ACVR2B: variants seen among roughly 807,000 people sequenced by gnomAD.
ACVR2B encodes the protein activin A receptor type 2B.
A neutral mutation model predicts 65.1 loss-of-function variants in ACVR2B; 18 were observed. The observed-to-expected ratio is 0.28, with a 90% CI of 0.19 to 0.41. ACVR2B has a LOEUF of 0.41. ACVR2B is among the 10% of genes least tolerant of loss of function. The pLI is 1.00. For missense variants in ACVR2B, 482 were observed against 682.7 expected (o/e 0.71, Z 3.28); for synonymous variants, 298 against 277.7 (o/e 1.07, Z -0.73).
Position 38,484,409 on chromosome 3 carries a change from C to T in ACVR2B, c.*1077C>T, listed in dbSNP as rs558023701. The T allele has an allele frequency of 6.6e-6, 1 of 152,388 alleles. No individual in the cohort carries two copies. The highest frequency in any genetic ancestry group is 6.5e-5 in the Admixed American group (1 of 15,302). The allele number at this position is 152,388 out of a possible 1,614,324, so 9.4% of individuals were successfully genotyped here. On this transcript the variant is annotated 3_prime_UTR_variant, in exon 11 of 11. Transcript: ENST00000352511. ...CTGCACAGATAGGGCAAGAGGATTT[C>T]CTGGGTGGAGTCTGCCAAGGCCTGC...
At chr3:38,461,391 C>T (rs983538539) in intron 1 of ACVR2B, among the ~76,000 whole-genome samples, 1 of 152,194 alleles carries the variant, frequency 6.6e-6, no homozygotes, top group Non-Finnish European at 1.5e-5. Flanking sequence ...GGTCCCGCTT[C>T]TCTGTGTAGT....
At chr3:38,467,517 C>T (rs1709751606) in intron 1 of ACVR2B, among the ~76,000 whole-genome samples, 2 of 150,934 alleles carry the variant, frequency 1.3e-5, no homozygotes, top group Non-Finnish European at 2.9e-5. Flanking sequence ...TTTGGTGGTT[C>T]AAGTGGGGAG....
Position 38,469,527 on chromosome 3 carries a change from G to C in ACVR2B, c.53-7760G>C, listed in dbSNP as rs575442737. 6.6e-5 allele frequency among the ~76,000 whole-genome samples: 10 copies of C among 152,238 alleles called. No individual in the cohort carries two copies. The South Asian group carries it at 2.1e-3, about 32-fold the overall frequency. Reference sequence around the variant, plus strand: ...CTGAGACTGGGTAGGGTTGGGGTTGGGGTAGTTTCCCCGAGAATTTATAAC... The same window carrying C: ...CTGAGACTGGGTAGGGTTGGGGTTGCGGTAGTTTCCCCGAGAATTTATAAC... On this transcript the variant is annotated intron_variant, in intron 1 of 10. Transcript: ENST00000352511.
chr3:38,469,321 C>T (rs553024309), intron 1 of ACVR2B, among the ~76,000 whole-genome samples: 1 of 152,214 alleles, frequency 6.6e-6, no homozygotes, highest in South Asian at 2.1e-4. Context: ...GGGGACTTTG[C>T]CTGTCTTTAT....
Position 38,477,329 on chromosome 3 carries a change from A to G in ACVR2B, c.95A>G (p.Tyr32Cys). The G allele has an allele frequency of 6.2e-7, 1 of 1,614,154 alleles. No homozygotes were observed. The highest frequency in any genetic ancestry group is 8.5e-7 in the Non-Finnish European group (1 of 1,180,008). ...GCTGAGACACGGGAGTGCATCTACT[A>G]CAACGCCAACTGGGAGCTGGAGCGC... ...GEAETRECIY[Y>C]NANWELERTN... The change falls in exon 2 of 11, where the codon TAC becomes TGC. Residue 32 changes from tyrosine to cysteine, a missense_variant. Tyr to Cys is a radical substitution (Grantham distance 194). Coordinates refer to ENST00000352511, the MANE Select transcript of ACVR2B (RefSeq NM_001106.4). The surrounding 1 kb of genome is among the most constrained non-coding windows in gnomAD (Gnocchi z 6.7).
Position 38,483,273 on chromosome 3 carries a change from G to GT in ACVR2B, c.1483dup (p.Ser495PhefsTer14). ...CAACGGCACTACCTCGGACTGTCTCGTTTCCCTGGTGACCTCTGTCACCAA... is the reference window on the plus strand; with the variant it reads ...CAACGGCACTACCTCGGACTGTCTCGTTTTCCCTGGTGACCTCTGTCACCAA... On this transcript the variant is annotated frameshift_variant, in exon 11 of 11. Transcript: ENST00000352511. LOFTEE classifies it high-confidence loss of function. This position sits in a 1 kb window ranked among gnomAD's most constrained non-coding sequence, Gnocchi z 4.8. 2.5e-6 allele frequency: 4 copies of GT among 1,613,988 alleles called. No individual in the cohort carries two copies. Among genetic ancestry groups the GT allele is most frequent in the Non-Finnish European group, 3.4e-6 (4 of 1,180,012 alleles).
intron 1 of ACVR2B, among the ~76,000 whole-genome samples, chr3:38,470,435 CA>C (rs1163732731): frequency 6.6e-6 from 1 of 152,136 alleles, no homozygotes; most frequent in Admixed American, 6.5e-5. Context: ...GGTAAAATAA[CA>C]ATCTAAAATT....
At chr3:38,475,592 G>C (rs575186688) in intron 1 of ACVR2B, 26 of 152,214 alleles carry the variant, frequency 1.7e-4, no homozygotes, top group African/African-American at 5.3e-4. Context: ...GAGAATGGCC[G>C]CTCCAGTGGT....
chr3:38,488,458 A>G lies in ACVR2B; in HGVS notation c.*5126A>G, dbSNP rs942788019. 3 of 152,326 alleles carry G rather than the reference A, an allele frequency of 2.0e-5. No individual in the cohort carries two copies. The highest frequency in any genetic ancestry group is 7.2e-5 in the African/African-American group (3 of 41,576). The allele number at this position is 152,326 out of a possible 1,614,324, so 9.4% of individuals were successfully genotyped here. On this transcript the variant is annotated 3_prime_UTR_variant, in exon 11 of 11. Coordinates refer to ENST00000352511, the MANE Select transcript of ACVR2B (RefSeq NM_001106.4). Reference sequence around the variant, plus strand: ...TTCGGTTGACCCAGTAACATTTTTTAAAACAATTGGTGGCTCCAAAAGGCC... The same window carrying G: ...TTCGGTTGACCCAGTAACATTTTTTGAAACAATTGGTGGCTCCAAAAGGCC...
In ACVR2B at chr3:38,489,362, T is replaced by G. The variant is rs1053418343; in HGVS notation, c.*6030T>G. On this transcript the variant is annotated 3_prime_UTR_variant, in exon 11 of 11. Transcript: ENST00000352511. ...TATAAAGTTAGTGAATTTGAATGAT[T>G]TTGTAATCAGAGCTAATGAGCTTTA... The G allele has an allele frequency of 3.3e-5, 5 of 152,650 alleles. No individual in the cohort carries two copies. The highest frequency in any genetic ancestry group is 1.2e-4 in the African/African-American group (5 of 41,466). 9.5% of individuals were successfully genotyped at this position (152,650 alleles called of 1,614,324 possible). A position where few individuals can be genotyped will look rare whatever the true frequency, so the allele number is the denominator to read the frequency against.
At chr3:38,470,982 G>A (rs923618667) in intron 1 of ACVR2B, among the ~76,000 whole-genome samples, 13 of 152,098 alleles carry the variant, frequency 8.5e-5, no homozygotes, top group Non-Finnish European at 1.5e-4. Context: ...TAATGAGACC[G>A]AACTCTAATT....
chr3:38,469,907 C>T (rs1211356009), intron 1 of ACVR2B, among the ~76,000 whole-genome samples: 1 of 151,738 alleles, frequency 6.6e-6, no homozygotes, highest in South Asian at 2.1e-4. Flanking sequence ...CAAAATTGAC[C>T]AGGAAGTTTT....
intron 1 of ACVR2B, among the ~76,000 whole-genome samples, chr3:38,460,079 A>G (rs1230145154): frequency 6.6e-6 from 1 of 152,208 alleles, no homozygotes; most frequent in Non-Finnish European, 1.5e-5. Context: ...AGTGCTCCAC[A>G]TCACTGGTAT....
At chr3:38,471,889 A>G (rs1480452537) in intron 1 of ACVR2B, among the ~76,000 whole-genome samples, 1 of 152,250 alleles carries the variant, frequency 6.6e-6, no homozygotes, top group Non-Finnish European at 1.5e-5. Context: ...TGTTAAATTA[A>G]TGCATATCAA....
At position 38,478,213 on chromosome 3, in the gene ACVR2B, G is replaced by A. The variant is rs987923374; in HGVS notation, c.443G>A (p.Gly148Asp). The A allele has an allele frequency of 6.2e-7, 1 of 1,614,090 alleles. No homozygotes were observed. The highest frequency in any genetic ancestry group is 8.5e-7 in the Non-Finnish European group (1 of 1,180,016). ...GCCTACTCACTGCTGCCCATCGGGGGCCTTTCCCTCATCGTCCTGCTGGCC... is the reference window on the plus strand; with the variant it reads ...GCCTACTCACTGCTGCCCATCGGGGACCTTTCCCTCATCGTCCTGCTGGCC... ...VLAYSLLPIG[G>D]LSLIVLLAFW... The change falls in exon 4 of 11, where the codon GGC becomes GAC. Residue 148 changes from glycine to aspartate, a missense_variant. This residue lies in a region of ACVR2B where 95 missense variants were observed against 91.6 expected (regional missense o/e 1.04). Transcript: ENST00000352511.
intron 1 of ACVR2B, among the ~76,000 whole-genome samples, chr3:38,456,843 G>A (rs1475867462): frequency 6.6e-6 from 1 of 152,104 alleles, no homozygotes. Flanking sequence ...CATTACACTG[G>A]GGGTCAGAAC....
chr3:38,477,939 C>T lies in ACVR2B; in HGVS notation c.339C>T (p.Phe113=). ...AAGGCAACTTCTGCAACGAACGCTT[C>T]ACTCATTTGCCAGAGGCTGGGGGCC... ...CCEGNFCNER[F]THLPEAGGPE... is the part of the protein sequence containing the mutation. The change falls in exon 3 of 11, where the codon TTC becomes TTT. Residue 113 remains phenylalanine, a synonymous_variant. Transcript: ENST00000352511. The surrounding 1 kb of genome is among the most constrained non-coding windows in gnomAD (Gnocchi z 6.7). 4.3e-6 allele frequency: 7 copies of T among 1,614,116 alleles called. No homozygotes were observed. Among genetic ancestry groups the T allele is most frequent in the Non-Finnish European group, 5.9e-6 (7 of 1,180,020 alleles).
At chr3:38,460,285 C>T (rs1307763037) in intron 1 of ACVR2B, among the ~76,000 whole-genome samples, 5 of 152,176 alleles carry the variant, frequency 3.3e-5, no homozygotes, top group Non-Finnish European at 2.9e-5. Flanking sequence ...ACCAGACTTA[C>T]GGGTCCATCC....
chr3:38,477,759 G>A lies in ACVR2B; in HGVS notation c.261-102G>A. On this transcript the variant is annotated intron_variant, in intron 2 of 10. Transcript: ENST00000352511. The surrounding 1 kb of genome is among the most constrained non-coding windows in gnomAD (Gnocchi z 6.7). Reference sequence around the variant, plus strand: ...GAGTTCACACCGTCCCCCTGGTGTTGCCCATGAGGTGCTCTGTCTGTGAGG... The same window carrying A: ...GAGTTCACACCGTCCCCCTGGTGTTACCCATGAGGTGCTCTGTCTGTGAGG... The A allele has an allele frequency of 8.0e-7, 1 of 1,247,834 alleles. No homozygotes were observed. Among genetic ancestry groups the A allele is most frequent in the Non-Finnish European group, 1.2e-6 (1 of 845,850 alleles). 77.3% of individuals were successfully genotyped at this position (1,247,834 alleles called of 1,614,324 possible). A position where few individuals can be genotyped will look rare whatever the true frequency, so the allele number is the denominator to read the frequency against.
Sources: gnomAD v4.1 joint callset for allele counts (sites outside exome capture counted in the v4.1 genomes callset) on GRCh38, gnomAD v4.1.1 for gene constraint, gnomAD v4.1.1 regional missense constraint, Gnocchi (gnomAD v3.1) non-coding constraint, MANE v1.5 for transcripts, NCBI Gene and HGNC (gene_info 2026-07-23, HGNC 2026-07-21) for gene names.